GPHN: variants seen among roughly 807,000 people sequenced by gnomAD.
The protein encoded by GPHN is gephyrin.
In GPHN, 17 loss-of-function variants were observed where a neutral mutation model predicts 95.5. That is an observed-to-expected ratio of 0.18 (90% confidence interval 0.12 to 0.27). GPHN has a LOEUF of 0.27. GPHN is among the 10% of genes least tolerant of loss of function. GPHN has a pLI of 1.00. For missense variants in GPHN, 660 were observed against 978.1 expected (o/e 0.67, Z 4.34); for synonymous variants, 320 against 322.5 (o/e 0.99, Z 0.08).
chr14:66,901,297 G>C (rs1249215100), intron 5 of GPHN, among the ~76,000 whole-genome samples: 1 of 151,970 alleles, frequency 6.6e-6, no homozygotes, highest in Non-Finnish European at 1.5e-5. Flanking sequence ...TGTCAGACAG[G>C]TAGTTTGAAA....
At chr14:67,602,866 A>G in the GPHN span, among the ~76,000 whole-genome samples, 135,567 of 152,262 alleles carry the variant, frequency 0.89, 60,447 homozygotes, top group Admixed American at 0.93. Flanking sequence ...AAAGAGAAAC[A>G]TATCACTGTA....
intron 2 of GPHN, among the ~76,000 whole-genome samples, chr14:66,692,245 T>G (rs1304314298): frequency 6.6e-6 from 1 of 152,192 alleles, no homozygotes; most frequent in African/African-American, 2.4e-5. Flanking sequence ...ACATGCAATT[T>G]TTATTACTAT....
the GPHN span, among the ~76,000 whole-genome samples, chr14:67,280,452 T>G: frequency 1.3e-5 from 2 of 152,224 alleles, no homozygotes; most frequent in African/African-American, 4.8e-5. Flanking sequence ...AGGGTCTGTT[T>G]AGCCTGTACT....
At chr14:67,663,253 C>T in the GPHN span, 1 of 1,170,694 alleles carries the variant, frequency 8.5e-7, no homozygotes, top group Non-Finnish European at 1.2e-6. Flanking sequence ...ACAGTATTGT[C>T]TTAATTGTAT....
chr14:66,675,039 T>C (rs1480301290), intron 1 of GPHN, among the ~76,000 whole-genome samples: 1 of 152,178 alleles, frequency 6.6e-6, no homozygotes, highest in Non-Finnish European at 1.5e-5. Flanking sequence ...CTCATTGCAG[T>C]TTTGATTTAT....
At chr14:67,189,582 C>CT in the GPHN span, 3 of 152,154 alleles carry the variant, frequency 2.0e-5, no homozygotes, top group Non-Finnish European at 4.4e-5. Flanking sequence ...AAGTGACTGT[C>CT]TCATTACTGC....
the GPHN span, among the ~76,000 whole-genome samples, chr14:67,285,001 G>A: frequency 4.6e-5 from 7 of 151,886 alleles, no homozygotes; most frequent in South Asian, 4.1e-4. Context: ...TCCTCCCACC[G>A]TGGCCTTCCA....
chr14:67,250,201 T>A, the GPHN span, among the ~76,000 whole-genome samples: 1 of 152,146 alleles, frequency 6.6e-6, no homozygotes, highest in African/African-American at 2.4e-5. Flanking sequence ...CACTCTTCCT[T>A]CCTCCAGGAA....
At chr14:67,082,971 AT>A (rs1012858380) in intron 11 of GPHN, among the ~76,000 whole-genome samples, 2 of 152,154 alleles carry the variant, frequency 1.3e-5, no homozygotes, top group Admixed American at 1.3e-4. Flanking sequence ...TTTGTGTGGC[AT>A]TTGTTTTCAC....
chr14:66,878,130 T>C (rs1298920904), intron 4 of GPHN, among the ~76,000 whole-genome samples: 1 of 152,136 alleles, frequency 6.6e-6, no homozygotes, highest in African/African-American at 2.4e-5. Context: ...GGGGAAAGAA[T>C]TTTCTATTTA....
intron 3 of GPHN, among the ~76,000 whole-genome samples, chr14:66,813,747 G>A (rs539668793): frequency 6.6e-6 from 1 of 152,300 alleles, no homozygotes; most frequent in Admixed American, 6.5e-5. Context: ...GAGAACTGTT[G>A]GACCTGATCT....
intron 1 of GPHN, among the ~76,000 whole-genome samples, chr14:66,550,718 C>T (rs1212351260): frequency 6.6e-6 from 1 of 152,140 alleles, no homozygotes; most frequent in Non-Finnish European, 1.5e-5. Context: ...CCACAGCCAC[C>T]CCAACCTTCA....
rs186109831 is a variant in GPHN, at chr14:66,939,488, T to C, written c.828+15196T>C. ...AGGAAAAAAAAAGGGAAATTGGAAC[T>C]CCTGGCAAAGCAAGAGAGAATCCTG... On this transcript the variant is annotated intron_variant, in intron 8 of 22. Transcript: ENST00000478722. 2.0e-5 allele frequency among the ~76,000 whole-genome samples: 3 copies of C among 152,160 alleles called. No individual in the cohort carries two copies. The East Asian group carries it at 5.8e-4, about 29-fold the overall frequency.
chr14:66,960,884 A>G (rs1470289855), intron 8 of GPHN, among the ~76,000 whole-genome samples: 1 of 151,952 alleles, frequency 6.6e-6, no homozygotes, highest in East Asian at 1.9e-4. Flanking sequence ...TCATTCCATA[A>G]CCCTCACTCC....
chr14:66,940,088 C>G (rs1053091147), intron 8 of GPHN, among the ~76,000 whole-genome samples: 28 of 152,050 alleles, frequency 1.8e-4, no homozygotes, highest in Admixed American at 1.3e-3. Flanking sequence ...GGGTTCCTGT[C>G]CCCTGAGCTC....
chr14:67,442,781 G>T, the GPHN span, among the ~76,000 whole-genome samples: 1 of 152,240 alleles, frequency 6.6e-6, no homozygotes, highest in Non-Finnish European at 1.5e-5. Context: ...GCTTAATTCT[G>T]CCTGGATACC....
the GPHN span, among the ~76,000 whole-genome samples, chr14:67,445,915 T>G: frequency 2.0e-5 from 3 of 152,282 alleles, no homozygotes; most frequent in East Asian, 3.9e-4. Flanking sequence ...CAGCAGCTCA[T>G]GTACTTCACA....
At chr14:67,047,435 G>A (rs1235515627) in intron 10 of GPHN, among the ~76,000 whole-genome samples, 6 of 146,372 alleles carry the variant, frequency 4.1e-5, no homozygotes, top group Admixed American at 2.1e-4. Flanking sequence ...GTGCAATCTC[G>A]GCTCACTGCA....
At chr14:67,345,870 A>C in the GPHN span, 6 of 1,596,966 alleles carry the variant, frequency 3.8e-6, no homozygotes, top group Non-Finnish European at 5.1e-6. Context: ...TCAGTTCATA[A>C]CCTGAAAGGA....
Sources: gnomAD v4.1 joint callset for allele counts (sites outside exome capture counted in the v4.1 genomes callset) on GRCh38, gnomAD v4.1.1 for gene constraint, MANE v1.5 for transcripts, NCBI Gene and HGNC (gene_info 2026-07-23, HGNC 2026-07-21) for gene names.